RMST: variants seen among roughly 807,000 people sequenced by gnomAD.
The protein encoded by RMST is long intergenic non-protein coding RNA 54.
intron 10 of RMST, among the ~76,000 whole-genome samples, chr12:97,505,782 G>A (rs527785971): frequency 8.2e-4 from 124 of 152,122 alleles, no homozygotes; most frequent in Non-Finnish European, 1.6e-3. Flanking sequence ...ATGACAAGGT[G>A]CTTAAAATGA....
chr12:97,551,639 C>G (rs1431981278), intron 11 of RMST, among the ~76,000 whole-genome samples: 1 of 152,094 alleles, frequency 6.6e-6, no homozygotes, highest in Admixed American at 6.6e-5. Flanking sequence ...TGGGGATAAG[C>G]CTTTTGGTTT....
At chr12:97,518,474 C>T (rs1880166585) in intron 10 of RMST, among the ~76,000 whole-genome samples, 1 of 152,174 alleles carries the variant, frequency 6.6e-6, no homozygotes, top group African/African-American at 2.4e-5. Flanking sequence ...CTCACTGCCT[C>T]ATAGAGATTA....
intron 9 of RMST, among the ~76,000 whole-genome samples, chr12:97,495,134 A>C (rs1482490138): frequency 1.3e-5 from 2 of 150,932 alleles, no homozygotes; most frequent in African/African-American, 4.9e-5. Flanking sequence ...ACCATACAGC[A>C]TATTTAAATT....
Position 97,527,246 on chromosome 12 carries a change from G to A in RMST, n.1341-3409G>A, listed in dbSNP as rs150872214. ...AAAGCATCTGTAGCAGAGAGGAGCC[G>A]TGTGGATCCAGAATGCACTCTTCTC... On this transcript the variant is annotated intron_variant and non_coding_transcript_variant, in intron 10 of 13. Transcript: ENST00000640149. 1.5e-3 allele frequency among the ~76,000 whole-genome samples: 223 copies of A among 152,328 alleles called. 1 individual carries two copies. Among genetic ancestry groups the A allele is most frequent in the Non-Finnish European group, 2.7e-3 (182 of 68,028 alleles).
chr12:97,550,527 A>C (rs1883237447), intron 11 of RMST, among the ~76,000 whole-genome samples: 1 of 152,220 alleles, frequency 6.6e-6, no homozygotes, highest in Non-Finnish European at 1.5e-5. Context: ...GTGTCAGGTA[A>C]TTTAAGATGT....
intron 11 of RMST, among the ~76,000 whole-genome samples, chr12:97,552,450 C>A (rs1318655668): frequency 6.6e-6 from 1 of 152,082 alleles, no homozygotes; most frequent in Non-Finnish European, 1.5e-5. Context: ...CCTAGTTTAC[C>A]TTGGAGGGCA....
intron 11 of RMST, among the ~76,000 whole-genome samples, chr12:97,539,287 T>C (rs1157389534): frequency 6.6e-6 from 1 of 151,562 alleles, no homozygotes; most frequent in Non-Finnish European, 1.5e-5. Context: ...AAGTTTCATT[T>C]CCCTGTGGCT....
intron 10 of RMST, chr12:97,530,519 G>A (rs1881532962): frequency 6.6e-6 from 1 of 152,022 alleles, no homozygotes; most frequent in African/African-American, 2.4e-5. Context: ...GGAAGCTCTC[G>A]GAATCTAAAT....
At chr12:97,520,307 C>T (rs539080399) in intron 10 of RMST, among the ~76,000 whole-genome samples, 1 of 152,238 alleles carries the variant, frequency 6.6e-6, no homozygotes, top group Admixed American at 6.5e-5. Flanking sequence ...CATGCCTCTG[C>T]AGGAGACAGC....
chr12:97,488,221 TA>T (rs1376389793), intron 5 of RMST, among the ~76,000 whole-genome samples: 1 of 152,110 alleles, frequency 6.6e-6, no homozygotes, highest in Non-Finnish European at 1.5e-5. Context: ...CTGTCTCTAC[TA>T]AAAATACAAA....
At chr12:97,516,619 C>T (rs544252109) in intron 10 of RMST, among the ~76,000 whole-genome samples, 86 of 151,708 alleles carry the variant, frequency 5.7e-4, no homozygotes, top group African/African-American at 1.9e-3. Context: ...ACAAGTAAAC[C>T]CTAAAAATAC....
intron 11 of RMST, among the ~76,000 whole-genome samples, chr12:97,555,758 C>T (rs1262885284): frequency 1.3e-5 from 2 of 152,222 alleles, no homozygotes; most frequent in East Asian, 3.8e-4. Context: ...CACAAATGTA[C>T]ACCCTTAAAC....
intron 5 of RMST, among the ~76,000 whole-genome samples, chr12:97,478,283 G>A (rs11109054): frequency 0.8 from 122,172 of 152,126 alleles, 49,447 homozygotes; most frequent in Middle Eastern, 0.93. Flanking sequence ...AGAACTACTC[G>A]ATATTTGCTT....
chr12:97,546,833 C>T (rs945883211), intron 11 of RMST, among the ~76,000 whole-genome samples: 5 of 151,948 alleles, frequency 3.3e-5, no homozygotes, highest in African/African-American at 1.2e-4. Flanking sequence ...AAAATCTACT[C>T]TTAGTGATTT....
At chr12:97,556,244 C>G (rs920291146) in intron 11 of RMST, among the ~76,000 whole-genome samples, 17 of 152,140 alleles carry the variant, frequency 1.1e-4, no homozygotes, top group Non-Finnish European at 1.8e-4. Flanking sequence ...TGGGCATTCT[C>G]TCGAATATTA....
chr12:97,557,386 T>C (rs1883781145), intron 11 of RMST, among the ~76,000 whole-genome samples: 1 of 152,152 alleles, frequency 6.6e-6, no homozygotes, highest in African/African-American at 2.4e-5. Flanking sequence ...ATGTGTGAGG[T>C]GTGCATACTC....
chr12:97,541,626 T>C (rs1423164195), intron 11 of RMST, among the ~76,000 whole-genome samples: 1 of 151,398 alleles, frequency 6.6e-6, no homozygotes, highest in Non-Finnish European at 1.5e-5. Flanking sequence ...AACCAGGAAC[T>C]TAGATCTCCC....
In RMST at chr12:97,527,585, G is replaced by A. The variant is rs1881237520; in HGVS notation, n.1341-3070G>A. On this transcript the variant is annotated intron_variant and non_coding_transcript_variant, in intron 10 of 13. Coordinates refer to ENST00000640149, the Ensembl canonical transcript of RMST. ...AGGCAATGCCAATTTCTCCAGGTCA[G>A]CTTCTCCTATTTTAATCTGTTTCCA... 2.0e-5 allele frequency among the ~76,000 whole-genome samples: 3 copies of A among 152,158 alleles called. No individual in the cohort carries two copies. In the South Asian group the frequency reaches 6.2e-4, roughly 31 times the overall value.
At chr12:97,528,784 A>G (rs1881362323) in intron 10 of RMST, among the ~76,000 whole-genome samples, 1 of 152,096 alleles carries the variant, frequency 6.6e-6, no homozygotes, top group South Asian at 2.1e-4. Flanking sequence ...GTAAGTATTT[A>G]TTCTTCATCG....
Sources: gnomAD v4.1 joint callset for allele counts (sites outside exome capture counted in the v4.1 genomes callset) on GRCh38, gnomAD v4.1.1 for gene constraint, MANE v1.5 for transcripts, NCBI Gene and HGNC (gene_info 2026-07-23, HGNC 2026-07-21) for gene names.